The following FANCC variants were observed in gnomAD, a reference collection of about 807,000 sequenced individuals.
The protein encoded by FANCC is Fanconi anemia group C protein.
Under a neutral mutation model 71.3 loss-of-function variants are expected in FANCC, and 55 were observed. The observed-to-expected ratio is 0.77, with a 90% confidence interval of 0.62 to 0.97. The LOEUF is 0.97. Among genes scored for constraint, FANCC ranks in the 50% least tolerant of loss-of-function variants. The pLI, the probability that FANCC is intolerant of heterozygous loss-of-function variation, is 0.00. For synonymous variants in FANCC, 275 were observed against 244.9 expected (o/e 1.12, Z -1.15); for missense variants, 678 against 670.9 (o/e 1.01, Z -0.12).
chr9:95,202,142 T>A (rs1215671354), intron 4 of FANCC, among the ~76,000 whole-genome samples: 1 of 152,216 alleles, frequency 6.6e-6, no homozygotes, highest in Non-Finnish European at 1.5e-5. Context: ...ATAAAACTGC[T>A]GTATTAAGCT....
intron 4 of FANCC, among the ~76,000 whole-genome samples, chr9:95,190,908 G>A (rs891521367): frequency 1.3e-5 from 2 of 152,028 alleles, no homozygotes; most frequent in Non-Finnish European, 2.9e-5. Context: ...TGAAGGGCTG[G>A]ACTCCAGGAA....
chr9:95,147,333 C>G (rs1829700757), intron 7 of FANCC, among the ~76,000 whole-genome samples: 1 of 152,114 alleles, frequency 6.6e-6, no homozygotes, highest in African/African-American at 2.4e-5. Context: ...GCCTGACCAA[C>G]ATGGAAAACC....
intron 4 of FANCC, among the ~76,000 whole-genome samples, chr9:95,219,363 T>A (rs1438498980): frequency 1.3e-5 from 2 of 152,144 alleles, no homozygotes; most frequent in African/African-American, 4.8e-5. Context: ...CCAAGGAAGA[T>A]GTATATGCCA....
intron 7 of FANCC, among the ~76,000 whole-genome samples, chr9:95,135,950 C>A (rs1222254314): frequency 3.3e-5 from 5 of 152,196 alleles, no homozygotes; most frequent in Non-Finnish European, 1.5e-5. Context: ...AGAAGTTAAC[C>A]TCAGTTTATT....
chr9:95,255,213 A>C (rs1831585816), intron 1 of FANCC, among the ~76,000 whole-genome samples: 2 of 152,128 alleles, frequency 1.3e-5, no homozygotes. Flanking sequence ...CTGCTAAGGG[A>C]AAGACTGCCT....
intron 9 of FANCC, among the ~76,000 whole-genome samples, chr9:95,125,733 A>C (rs954000968): frequency 3.3e-5 from 5 of 152,198 alleles, no homozygotes; most frequent in African/African-American, 1.2e-4. Flanking sequence ...CTGGTGAGTT[A>C]TTGTCACAGT....
chr9:95,177,825 C>A (rs898871724), intron 4 of FANCC, among the ~76,000 whole-genome samples: 1 of 152,178 alleles, frequency 6.6e-6, no homozygotes, highest in Non-Finnish European at 1.5e-5. Flanking sequence ...GACAGCAAAT[C>A]AAGCATTCAA....
intron 1 of FANCC, among the ~76,000 whole-genome samples, chr9:95,253,145 T>G (rs968470553): frequency 1.3e-5 from 2 of 152,216 alleles, no homozygotes; most frequent in African/African-American, 4.8e-5. Flanking sequence ...TTAGGAATCA[T>G]GCAGTGCACT....
chr9:95,118,369 C>T lies in FANCC; in HGVS notation c.997-979G>A, dbSNP rs181354147. Among the ~76,000 whole-genome samples, 88 of 152,332 alleles carry T rather than the reference C, an allele frequency of 5.8e-4. No homozygotes were observed. In the East Asian group the frequency reaches 0.012, roughly 20 times the overall value. ...AAAGTGTAAAACTGTGCTCGCATTT[C>T]GAGGGCCAAAGAGCTACAGCTATCT... On this transcript the variant is annotated intron_variant, in intron 10 of 14. Transcript: ENST00000289081.
At chr9:95,124,358 A>G (rs1469252666) in intron 10 of FANCC, among the ~76,000 whole-genome samples, 1 of 152,160 alleles carries the variant, frequency 6.6e-6, no homozygotes, top group Non-Finnish European at 1.5e-5. Context: ...CCAAATATAT[A>G]TGCTGAAAGG....
intron 4 of FANCC, among the ~76,000 whole-genome samples, chr9:95,227,549 A>G (rs897078444): frequency 1.3e-5 from 2 of 152,148 alleles, no homozygotes; most frequent in Non-Finnish European, 2.9e-5. Flanking sequence ...GCTATCCTCC[A>G]CTGCTCCACT....
In FANCC at chr9:95,292,829, C is replaced by T. The variant is rs944283544; in HGVS notation, c.-79+24697G>A. 46 of 1,584,136 alleles carry T rather than the reference C, an allele frequency of 2.9e-5. 2 individuals are homozygous for T. The South Asian group carries it at 3.3e-4, about 11-fold the overall frequency. Reference sequence around the variant, plus strand: ...TGAAAATCCATGCTGAGAAGAAGCACAAATGTAGCAAGTGCAGCAATTCGT... The same window carrying T: ...TGAAAATCCATGCTGAGAAGAAGCATAAATGTAGCAAGTGCAGCAATTCGT... On this transcript the variant is annotated intron_variant, in intron 1 of 14. Coordinates refer to ENST00000289081, the MANE Select transcript of FANCC (RefSeq NM_000136.3).
At chr9:95,226,463 G>C (rs1181603627) in intron 4 of FANCC, among the ~76,000 whole-genome samples, 3 of 152,146 alleles carry the variant, frequency 2.0e-5, no homozygotes, top group African/African-American at 4.8e-5. Flanking sequence ...TCCCCGGGCA[G>C]CTGCCCAGGA....
intron 1 of FANCC, among the ~76,000 whole-genome samples, chr9:95,308,987 G>A (rs1003391903): frequency 3.3e-5 from 5 of 152,086 alleles, no homozygotes; most frequent in Admixed American, 3.3e-4. Flanking sequence ...CAGCCTGGGG[G>A]ACCGAGTGAG....
intron 1 of FANCC, among the ~76,000 whole-genome samples, chr9:95,288,334 A>T (rs1833807925): frequency 6.6e-6 from 1 of 152,204 alleles, no homozygotes; most frequent in African/African-American, 2.4e-5. Context: ...TTTGGCTAGT[A>T]TAATAACTAT....
At chr9:95,181,382 T>C (rs1826355312) in intron 4 of FANCC, among the ~76,000 whole-genome samples, 1 of 152,102 alleles carries the variant, frequency 6.6e-6, no homozygotes, top group African/African-American at 2.4e-5. Context: ...AATTTTTATT[T>C]TATAGTAAAC....
In FANCC at chr9:95,242,653, AAAAT is replaced by A. The variant is rs375842481; in HGVS notation, c.251-1914_251-1911del. 3.5e-3 allele frequency among the ~76,000 whole-genome samples: 529 copies of A among 152,192 alleles called. 2 individuals are homozygous for A. The highest frequency in any genetic ancestry group is 0.012 in the African/African-American group (502 of 41,516). The stretch of plus-strand genomic sequence containing the variant: ...TCCCAAAATTTTATTTTTTGGGAGA[AAAAT>A]AAAAAAAGAGAAGGAGCCAGAGAAA... On this transcript the variant is annotated intron_variant, in intron 3 of 14. Transcript: ENST00000289081.
At chr9:95,274,504 ATAG>A (rs2136232654) in intron 1 of FANCC, among the ~76,000 whole-genome samples, 1 of 152,264 alleles carries the variant, frequency 6.6e-6, no homozygotes, top group South Asian at 2.1e-4. Context: ...ATGTGTCTTT[ATAG>A]TAGAATGATT....
At chr9:95,244,772 T>G (rs1433808427) in intron 3 of FANCC, among the ~76,000 whole-genome samples, 3 of 139,760 alleles carry the variant, frequency 2.1e-5, no homozygotes, top group African/African-American at 8.1e-5. Flanking sequence ...AGCTGGCTAG[T>G]GGGAATGCCA....
Sources: allele counts gnomAD v4.1 joint callset (sites outside exome capture counted in the v4.1 genomes callset), GRCh38; gene constraint gnomAD v4.1.1; transcripts MANE v1.5; gene names NCBI Gene and HGNC (gene_info 2026-07-23, HGNC 2026-07-21).